HAL: variants seen among roughly 807,000 people sequenced by gnomAD.
HAL encodes histidase.
In HAL, 85 loss-of-function variants were observed where a neutral mutation model predicts 81.1. That is an observed-to-expected ratio of 1.05 (90% CI 0.88 to 1.25). The LOEUF (loss-of-function observed/expected upper bound fraction) is 1.25, where lower values mean the gene tolerates loss of function less well. HAL is among the 50% of genes most tolerant of loss of function. The pLI is 0.00. For synonymous variants in HAL, 301 were observed against 309.2 expected, an observed-to-expected ratio of 0.97 and a Z score of 0.28; for missense variants, 798 against 836.6, an observed-to-expected ratio of 0.95 and a Z score of 0.57.
chr12:95,974,284 A>G lies in HAL; in HGVS notation c.1922T>C (p.Leu641Pro). 9 of 1,613,782 alleles carry G rather than the reference A, an allele frequency of 5.6e-6. No individual in the cohort carries two copies. The highest frequency in any genetic ancestry group is 6.8e-6 in the Non-Finnish European group (8 of 1,179,658). ...SRPLSPTAFS[L>P]QFLHKKSTKI... ...GGTGGATTTCTTGTGCAGAAATTGCAGTGAAAAGGCTGTTGGAGAAAGAGG... is the reference window on the plus strand; with the variant it reads ...GGTGGATTTCTTGTGCAGAAATTGCGGTGAAAAGGCTGTTGGAGAAAGAGG... The change falls in exon 21 of 21, where the codon CTG becomes CCG. Residue 641 changes from leucine (L) to proline (P), a missense_variant. Transcript: ENST00000261208.
chr12:95,985,473 C>A (rs1949869990), intron 14 of HAL, among the ~76,000 whole-genome samples: 1 of 151,880 alleles, frequency 6.6e-6, no homozygotes, highest in Admixed American at 6.6e-5. Context: ...GCCTGTAATC[C>A]CATCTACTCG....
chr12:95,996,164 C>T lies in HAL; in HGVS notation c.-168G>A. The T allele has an allele frequency of 2.0e-6, 1 of 503,254 alleles. No homozygotes were observed. The highest frequency in any genetic ancestry group is 3.7e-6 in the Non-Finnish European group (1 of 273,400). The allele number at this position is 503,254 out of a possible 1,614,324, so 31.2% of individuals were successfully genotyped here. On this transcript the variant is annotated 5_prime_UTR_variant, in exon 1 of 21. Transcript: ENST00000261208. Reference sequence around the variant, plus strand: ...GCCTCCTGTCCACTTTCCATCCAGACCTGCTGCCAGAAAGGCCTGGGGTCT... The same window carrying T: ...GCCTCCTGTCCACTTTCCATCCAGATCTGCTGCCAGAAAGGCCTGGGGTCT...
intron 9 of HAL, among the ~76,000 whole-genome samples, chr12:95,990,741 G>T (rs960597774): frequency 9.2e-5 from 14 of 152,160 alleles, no homozygotes; most frequent in Non-Finnish European, 2.9e-5. Context: ...AAAGAGGAGT[G>T]GGGGTGGAGA....
At chr12:95,977,871 G>T in intron 18 of HAL, 73 bp downstream of exon 18, 1 of 1,504,234 alleles carries the variant, frequency 6.6e-7, no homozygotes, top group South Asian at 1.1e-5. Context: ...TTGCTGGTGG[G>T]AGATCCCACT....
intron 15 of HAL, 104 bp downstream of exon 15, chr12:95,983,807 G>A (rs563758980): frequency 1.4e-6 from 1 of 735,050 alleles, no homozygotes; most frequent in East Asian, 2.6e-5. Flanking sequence ...TCTGTGAAAT[G>A]GAGCAATGGA....
intron 7 of HAL, 84 bp downstream of exon 7, chr12:95,993,688 C>A (rs1165104652): frequency 2.2e-6 from 2 of 920,646 alleles, no homozygotes; most frequent in South Asian, 2.7e-5. Context: ...TAAATTGGGG[C>A]AAATGTGAAT....
chr12:95,995,879 T>TC lies in HAL; in HGVS notation c.31dup (p.Glu11GlyfsTer29). 1 of 1,606,858 alleles carries TC rather than the reference T, an allele frequency of 6.2e-7. No individual in the cohort carries two copies. Among genetic ancestry groups the TC allele is most frequent in the Non-Finnish European group, 8.5e-7 (1 of 1,179,900 alleles). On this transcript the variant is annotated frameshift_variant, in exon 2 of 21. Coordinates refer to ENST00000261208, the MANE Select transcript of HAL (RefSeq NM_002108.4). LOFTEE classifies it high-confidence loss of function. ...GTCCTGGCAGGGCACTGCCAGCCAT[T>TC]CCCCACGTACGTGCACCGTGTATCT...
intron 18 of HAL, among the ~76,000 whole-genome samples, chr12:95,977,642 CAAAAAAA>C (rs60410496): frequency 3.9e-4 from 39 of 99,910 alleles, no homozygotes; most frequent in African/African-American, 6.6e-4. Context: ...GATCCTGCCT[CAAAAAAA>C]AAAAAAAAAA....
chr12:95,991,792 G>C (rs1325514459), intron 9 of HAL, among the ~76,000 whole-genome samples: 1 of 129,790 alleles, frequency 7.7e-6, no homozygotes. Context: ...GGGCTATATA[G>C]TATGGCAGAC....
At chr12:95,994,880 C>G in intron 3 of HAL, 53 bp downstream of exon 3, 2 of 1,609,270 alleles carry the variant, frequency 1.2e-6, no homozygotes, top group Admixed American at 1.7e-5. Flanking sequence ...CCAGCCCCAC[C>G]ATCTGCAGGA....
Position 95,995,851 on chromosome 12 carries a change from C to T in HAL, c.60G>A (p.Ala20=). Residue 20 remains alanine, a synonymous_variant, in exon 2 of 21, where the codon GCG becomes GCA. Coordinates refer to ENST00000261208, the MANE Select transcript of HAL (RefSeq NM_002108.4). ...GGCCCAGCCAGCCCACAGTGAGCTG[C>T]GCGTCCTGGCAGGGCACTGCCAGCC... is the stretch of plus-strand genomic sequence containing the variant. ...GEWLAVPCQD[A]QLTVGWLGRE... The T allele has an allele frequency of 6.2e-7, 1 of 1,609,980 alleles. No individual in the cohort carries two copies. Among genetic ancestry groups the T allele is most frequent in the Non-Finnish European group, 8.5e-7 (1 of 1,179,890 alleles).
chr12:95,976,475 A>G lies in HAL; in HGVS notation c.1787T>C (p.Met596Thr), dbSNP rs1466404869. 5 of 1,614,154 alleles carry G rather than the reference A, an allele frequency of 3.1e-6. No individual in the cohort carries two copies. ...VVRPWIKDRF[M>T]APDIEAAHRL... The stretch of plus-strand genomic sequence containing the variant: ...GTGGGCTGCCTCGATGTCCGGGGCC[A>G]TGAAGCGATCTTTTATCCAGGGCCT... Residue 596 changes from methionine to threonine, a missense_variant, in exon 20 of 21, where the codon ATG becomes ACG. Met to Thr is a moderately conservative substitution (Grantham distance 81). Transcript: ENST00000261208.
chr12:95,983,138 G>A (rs531572292), intron 15 of HAL, among the ~76,000 whole-genome samples: 10 of 152,220 alleles, frequency 6.6e-5, no homozygotes, highest in Non-Finnish European at 8.8e-5. Context: ...CTGTAATCCC[G>A]GCACTTTGGG....
chr12:95,988,578 C>G (rs1443628524), intron 10 of HAL, among the ~76,000 whole-genome samples: 1 of 152,216 alleles, frequency 6.6e-6, no homozygotes, highest in Non-Finnish European at 1.5e-5. Flanking sequence ...ATGCAGGCAT[C>G]TGACACACAT....
chr12:95,987,771 C>T (rs942456841), intron 11 of HAL, among the ~76,000 whole-genome samples: 1 of 151,950 alleles, frequency 6.6e-6, no homozygotes, highest in East Asian at 1.9e-4. Flanking sequence ...TGCAGTGGTG[C>T]GATCATGGCT....
rs753623981 is a variant in HAL, at chr12:95,974,271, G to T, written c.1935C>A (p.His645Gln). The part of the protein sequence containing the change: ...SPTAFSLQFL[H>Q]KKSTKIPESE... ...ACTCCGGGATTTTGGTGGATTTCTT[G>T]TGCAGAAATTGCAGTGAAAAGGCTG... The change falls in exon 21 of 21, where the codon CAC becomes CAA. Residue 645 changes from histidine (H) to glutamine (Q), a missense_variant. Transcript: ENST00000261208. The T allele has an allele frequency of 1.9e-6, 3 of 1,613,740 alleles. No homozygotes were observed. The highest frequency in any genetic ancestry group is 2.5e-6 in the Non-Finnish European group (3 of 1,179,656).
At chr12:95,991,071 C>G (rs911755791) in intron 9 of HAL, among the ~76,000 whole-genome samples, 1 of 152,168 alleles carries the variant, frequency 6.6e-6, no homozygotes, top group Non-Finnish European at 1.5e-5. Flanking sequence ...GATTGTGCCA[C>G]TGCACTCCAG....
intron 17 of HAL, among the ~76,000 whole-genome samples, chr12:95,978,287 G>A (rs1220070337): frequency 2.0e-5 from 3 of 152,160 alleles, no homozygotes; most frequent in Non-Finnish European, 4.4e-5. Context: ...GCAATAGTGA[G>A]TTCTGAGGTA....
chr12:95,980,341 T>A (rs1373357501), intron 17 of HAL, among the ~76,000 whole-genome samples: 1 of 152,258 alleles, frequency 6.6e-6, no homozygotes, highest in South Asian at 2.1e-4. Flanking sequence ...ATTGTATTAT[T>A]ATATTTCAGC....
Sources: allele counts gnomAD v4.1 joint callset (sites outside exome capture counted in the v4.1 genomes callset), GRCh38; gene constraint gnomAD v4.1.1; transcripts MANE v1.5; gene names NCBI Gene and HGNC (gene_info 2026-07-23, HGNC 2026-07-21).